Variants in SCUBE1 observed in about 807,000 individuals in gnomAD.
The protein encoded by SCUBE1 is signal peptide, CUB domain and EGF like domain containing 1, also known as signal peptide, CUB and EGF-like domain-containing protein 1.
Under a neutral mutation model 124.4 loss-of-function variants are expected in SCUBE1, and 59 were observed. That is an observed-to-expected ratio of 0.47 (90% CI 0.38 to 0.59). The LOEUF (loss-of-function observed/expected upper bound fraction) is 0.59, where lower values mean the gene tolerates loss of function less well. Ranked by LOEUF, SCUBE1 falls within the 20% of genes least tolerant of loss-of-function variation. The probability of loss-of-function intolerance (pLI) is 0.00; values close to 1 mark genes in which losing one functional copy is unlikely to be tolerated. For missense variants in SCUBE1, 1,150 were observed against 1,371.2 expected, an observed-to-expected ratio of 0.84 and a Z score of 2.55; for synonymous variants, 545 against 550.9, an observed-to-expected ratio of 0.99 and a Z score of 0.15.
At chr22:43,297,159 G>T in intron 3 of SCUBE1, among the ~76,000 whole-genome samples, 1 of 152,244 alleles carries the variant, frequency 6.6e-6, no homozygotes, top group East Asian at 1.9e-4. Context: ...TCTGACCAAG[G>T]CTGCTGACTT....
intron 2 of SCUBE1, among the ~76,000 whole-genome samples, chr22:43,333,580 C>T (rs572714638): frequency 3.9e-5 from 6 of 152,172 alleles, no homozygotes; most frequent in Non-Finnish European, 4.4e-5. Flanking sequence ...AGCCTCACAT[C>T]GGGCTTCCCA....
At chr22:43,274,567 G>A (rs1050538953) in intron 4 of SCUBE1, among the ~76,000 whole-genome samples, 1 of 152,220 alleles carries the variant, frequency 6.6e-6, no homozygotes, top group Admixed American at 6.5e-5. Context: ...AGCAGGTGAC[G>A]AGATGGAGGG....
Position 43,258,237 on chromosome 22 carries a change from C to A in SCUBE1, c.709G>T (p.Asp237Tyr). ...GCHQKYALHSDGRTCIETCAV... is the reference protein window; with the variant it reads ...GCHQKYALHSYGRTCIETCAV... ...TACTTACCGATGCACGTGCGACCGT[C>A]TGAGTGGAGGGCGTACTTCTGGTGG... Residue 237 changes from aspartate (D) to tyrosine (Y), a missense_variant, in exon 6 of 22, where the codon GAC becomes TAC. Transcript: ENST00000360835. The surrounding 1 kb of genome is among the most constrained non-coding windows in gnomAD (Gnocchi z 5.0). The A allele has an allele frequency of 6.2e-7, 1 of 1,613,788 alleles. No individual in the cohort carries two copies. The highest frequency in any genetic ancestry group is 2.2e-5 in the East Asian group (1 of 44,872).
At chr22:43,235,372 T>A (rs114145265) in intron 7 of SCUBE1, among the ~76,000 whole-genome samples, 3 of 150,632 alleles carry the variant, frequency 2.0e-5, no homozygotes, top group Non-Finnish European at 3.0e-5. Context: ...GGAGGGCTTC[T>A]GGGTGGGAGC....
Position 43,315,249 on chromosome 22 carries a change from G to A in SCUBE1, c.349+4688C>T, listed in dbSNP as rs730792. ...TCCTTTCAGATTTAATCATGACACC[G>A]ACCCTCCGAGACAAGTATTACTGAC... On this transcript the variant is annotated intron_variant, in intron 3 of 21. Coordinates refer to ENST00000360835, the MANE Select transcript of SCUBE1 (RefSeq NM_173050.5). 6.2e-3 allele frequency among the ~76,000 whole-genome samples: 948 copies of A among 151,764 alleles called. 11 individuals are homozygous for A. Among genetic ancestry groups the A allele is most frequent in the African/African-American group, 0.022 (912 of 41,372 alleles).
At chr22:43,279,744 C>G (rs904637555) in intron 4 of SCUBE1, among the ~76,000 whole-genome samples, 13 of 152,182 alleles carry the variant, frequency 8.5e-5, no homozygotes, top group African/African-American at 3.1e-4. Context: ...ACTGTCTGGT[C>G]GGGACCTGCC....
intron 10 of SCUBE1, among the ~76,000 whole-genome samples, chr22:43,223,826 G>A (rs903960136): frequency 1.3e-5 from 2 of 152,224 alleles, no homozygotes; most frequent in African/African-American, 2.4e-5. Flanking sequence ...CACCTCATGA[G>A]TGACAGCCTC....
At chr22:43,237,912 G>T (rs1922834300) in intron 7 of SCUBE1, 2 of 152,304 alleles carry the variant, frequency 1.3e-5, no homozygotes, top group African/African-American at 4.8e-5. Context: ...TGATGCTGGG[G>T]GCACTGAGCA....
rs1921016161 is a variant in SCUBE1, at chr22:43,201,681, C to T, written c.*2316G>A. On this transcript the variant is annotated 3_prime_UTR_variant, in exon 22 of 22. Transcript: ENST00000360835. ...GGACTCAGACTGAGTTACGGTGTGG[C>T]TTCTCCTGGTCTCCCAATCGCAGAC... 6.6e-6 allele frequency: 1 copy of T among 152,176 alleles called. No individual in the cohort carries two copies. The highest frequency in any genetic ancestry group is 6.5e-5 in the Admixed American group (1 of 15,270). The allele number at this position is 152,176 out of a possible 1,614,324, so 9.4% of individuals were successfully genotyped here.
chr22:43,268,191 G>A (rs544537786), intron 4 of SCUBE1, among the ~76,000 whole-genome samples: 1 of 152,254 alleles, frequency 6.6e-6, no homozygotes, highest in Admixed American at 6.5e-5. Context: ...CAGGCCCAGA[G>A]CAGGCTTCTG....
chr22:43,252,190 C>A (rs1923477518), intron 6 of SCUBE1, among the ~76,000 whole-genome samples: 1 of 152,234 alleles, frequency 6.6e-6, no homozygotes, highest in Non-Finnish European at 1.5e-5. Flanking sequence ...CAGCCGAGAA[C>A]CCAGTGGCCC....
chr22:43,228,731 C>T (rs886126827), intron 9 of SCUBE1, among the ~76,000 whole-genome samples: 1 of 152,218 alleles, frequency 6.6e-6, no homozygotes, highest in South Asian at 2.1e-4. Flanking sequence ...CTGTGAGCCT[C>T]CCTGGAACGA....
intron 6 of SCUBE1, among the ~76,000 whole-genome samples, chr22:43,243,835 C>G (rs768593495): frequency 1.4e-4 from 21 of 152,202 alleles, no homozygotes; most frequent in Non-Finnish European, 2.6e-4. Flanking sequence ...TTGGAAGCTG[C>G]TCTGCGATTG....
chr22:43,239,005 G>T, intron 6 of SCUBE1, 51 bp from the exon 7 acceptor site: 1 of 1,437,060 alleles, frequency 7.0e-7, no homozygotes. Context: ...AGAAGCCACT[G>T]GCTTTCCCCT....
Position 43,240,299 on chromosome 22 carries a change from T to C in SCUBE1, c.728-1345A>G, listed in dbSNP as rs953406904. Among the ~76,000 whole-genome samples the C allele has an allele frequency of 7.2e-5, 11 of 152,302 alleles. No homozygotes were observed. The East Asian group carries it at 1.2e-3, about 16-fold the overall frequency. Reference sequence around the variant, plus strand: ...TCAAATCCTGGACCTCAGCTGGGCATGGGTGGTTTTTATGAACCAGTCTTT... The same window carrying C: ...TCAAATCCTGGACCTCAGCTGGGCACGGGTGGTTTTTATGAACCAGTCTTT... On this transcript the variant is annotated intron_variant, in intron 6 of 21. Transcript: ENST00000360835.
rs886282503 is a variant in SCUBE1, at chr22:43,234,094, T to C, written c.845-2219A>G. ...CCCTGCAGCCACCAAGAAAGAGATATGAAGCCCAGCTGTGCTGGTCCAGGG... is the reference window on the plus strand; with the variant it reads ...CCCTGCAGCCACCAAGAAAGAGATACGAAGCCCAGCTGTGCTGGTCCAGGG... On this transcript the variant is annotated intron_variant, in intron 7 of 21. Transcript: ENST00000360835. The surrounding 1 kb of genome is among the most constrained non-coding windows in gnomAD (Gnocchi z 4.4). Among the ~76,000 whole-genome samples, 1 of 151,704 alleles carries C rather than the reference T, an allele frequency of 6.6e-6. No individual in the cohort carries two copies. Among genetic ancestry groups the C allele is most frequent in the Non-Finnish European group, 1.5e-5 (1 of 67,906 alleles).
chr22:43,334,764 T>C (rs988608075), intron 2 of SCUBE1, among the ~76,000 whole-genome samples: 1 of 152,194 alleles, frequency 6.6e-6, no homozygotes, highest in African/African-American at 2.4e-5. Context: ...AGCTAGTGCT[T>C]ATATACAGCA....
At chr22:43,297,868 A>C (rs941465938) in intron 3 of SCUBE1, among the ~76,000 whole-genome samples, 2 of 151,952 alleles carry the variant, frequency 1.3e-5, no homozygotes, top group African/African-American at 4.8e-5. Flanking sequence ...GCTTGGACCC[A>C]CCCATGTTTT....
At chr22:43,305,823 A>C (rs1227038288) in intron 3 of SCUBE1, among the ~76,000 whole-genome samples, 2 of 152,148 alleles carry the variant, frequency 1.3e-5, no homozygotes, top group African/African-American at 4.8e-5. Context: ...AGCACCTGGG[A>C]GGTTACTAAA....
Sources: gnomAD v4.1 joint callset for allele counts (sites outside exome capture counted in the v4.1 genomes callset) on GRCh38, gnomAD v4.1.1 for gene constraint, Gnocchi (gnomAD v3.1) non-coding constraint, MANE v1.5 for transcripts, NCBI Gene and HGNC (gene_info 2026-07-23, HGNC 2026-07-21) for gene names.